The following KCNAB1 variants were observed in gnomAD, a reference collection of about 807,000 sequenced individuals.
KCNAB1 encodes potassium voltage-gated channel subfamily A regulatory beta subunit 1, also known as voltage-gated potassium channel subunit beta-1.
A neutral mutation model predicts 64.6 loss-of-function variants in KCNAB1; 35 were observed. The ratio of observed to expected loss-of-function variants is 0.54; its 90% CI spans 0.41 to 0.72. The LOEUF is 0.72. Among genes scored for constraint, KCNAB1 ranks in the 30% least tolerant of loss-of-function variants. The pLI, the probability that KCNAB1 is intolerant of heterozygous loss-of-function variation, is 0.00. For synonymous variants in KCNAB1, 177 were observed against 183.8 expected, an observed-to-expected ratio of 0.96 and a Z score of 0.30; for missense variants, 401 against 512.9, an observed-to-expected ratio of 0.78 and a Z score of 2.11.
At chr3:156,299,296 A>C (rs1459463392) in intron 1 of KCNAB1, among the ~76,000 whole-genome samples, 2 of 152,262 alleles carry the variant, frequency 1.3e-5, no homozygotes, top group East Asian at 1.9e-4. Context: ...TATCTCTGGA[A>C]GTAGCAAAGC....
At chr3:156,416,593 T>G (rs904900644) in intron 1 of KCNAB1, among the ~76,000 whole-genome samples, 1 of 152,218 alleles carries the variant, frequency 6.6e-6, no homozygotes, top group Non-Finnish European at 1.5e-5. Flanking sequence ...TATCCTTTTA[T>G]TTAATATTAT....
chr3:156,474,491 T>G (rs1052070022), intron 7 of KCNAB1, among the ~76,000 whole-genome samples: 1 of 152,220 alleles, frequency 6.6e-6, no homozygotes, highest in Non-Finnish European at 1.5e-5. Flanking sequence ...CCTAAGTGTA[T>G]ATTTTCCTGT....
chr3:156,218,336 C>A (rs58387367), intron 1 of KCNAB1, among the ~76,000 whole-genome samples: 2,285 of 152,316 alleles, frequency 0.015, 73 homozygotes, highest in African/African-American at 0.053. Flanking sequence ...GCAGCCACAG[C>A]AAGCCCTGCC....
At chr3:156,447,326 G>A (rs1711637679) in intron 2 of KCNAB1, among the ~76,000 whole-genome samples, 1 of 151,566 alleles carries the variant, frequency 6.6e-6, no homozygotes, top group African/African-American at 2.4e-5. Flanking sequence ...ACTTATTTTT[G>A]TTATTCCTTT....
At chr3:156,360,889 A>T (rs1000648336) in intron 1 of KCNAB1, among the ~76,000 whole-genome samples, 1 of 152,054 alleles carries the variant, frequency 6.6e-6, no homozygotes, top group Admixed American at 6.5e-5. Context: ...CATCCAGCCC[A>T]AACTGCCATC....
At chr3:156,173,568 C>G (rs925611022) in intron 1 of KCNAB1, among the ~76,000 whole-genome samples, 1 of 152,222 alleles carries the variant, frequency 6.6e-6, no homozygotes, top group Non-Finnish European at 1.5e-5. Context: ...GAGTCTCAGT[C>G]AAGCCCCTTA....
intron 1 of KCNAB1, chr3:156,382,153 A>T (rs988679181): frequency 6.6e-6 from 1 of 152,158 alleles, no homozygotes; most frequent in Non-Finnish European, 1.5e-5. Flanking sequence ...TCCCATCCAG[A>T]TCTACTGAAT....
chr3:156,198,616 C>CT lies in KCNAB1; in HGVS notation c.275+77750dup, dbSNP rs59410120. On this transcript the variant is annotated intron_variant, in intron 1 of 13. Transcript: ENST00000490337. ...TCAGAGACTACGATTGCAAACCCTG[C>CT]TTTTTTTTTTTTTTTTTTTTGCTTT... Among the ~76,000 whole-genome samples, 527 of 118,442 alleles carry CT rather than the reference C, an allele frequency of 4.4e-3. 2 individuals carry two copies. The highest frequency in any genetic ancestry group is 7.5e-3 in the African/African-American group (226 of 30,324). The allele number at this position is 118,442 out of a possible 152,430, so 77.7% of individuals were successfully genotyped here.
chr3:156,390,427 T>C (rs1185525368), intron 1 of KCNAB1, among the ~76,000 whole-genome samples: 1 of 152,236 alleles, frequency 6.6e-6, no homozygotes, highest in Non-Finnish European at 1.5e-5. Flanking sequence ...TGAAAGGTTG[T>C]ATATCAAAGG....
chr3:156,523,164 T>G (rs1307241057), intron 11 of KCNAB1, among the ~76,000 whole-genome samples: 1 of 152,248 alleles, frequency 6.6e-6, no homozygotes, highest in Non-Finnish European at 1.5e-5. Flanking sequence ...GTTTCTTTAC[T>G]TTTTTAAGTT....
At chr3:156,340,082 G>A (rs1723994119) in intron 1 of KCNAB1, among the ~76,000 whole-genome samples, 1 of 152,184 alleles carries the variant, frequency 6.6e-6, no homozygotes, top group Non-Finnish European at 1.5e-5. Context: ...AGGAGGCATT[G>A]TGTCTCAATA....
At chr3:156,192,365 AGATTT>A (rs1713613281) in intron 1 of KCNAB1, among the ~76,000 whole-genome samples, 1 of 152,208 alleles carries the variant, frequency 6.6e-6, no homozygotes, top group Non-Finnish European at 1.5e-5. Flanking sequence ...CAAGAGGATT[AGATTT>A]GAATTTTTAA....
At chr3:156,447,825 T>C (rs996616246) in intron 2 of KCNAB1, among the ~76,000 whole-genome samples, 1 of 152,262 alleles carries the variant, frequency 6.6e-6, no homozygotes, top group African/African-American at 2.4e-5. Context: ...TGTACCCATG[T>C]TAATTCCCTG....
chr3:156,440,862 G>T (rs769050513), intron 2 of KCNAB1, among the ~76,000 whole-genome samples: 13 of 152,102 alleles, frequency 8.5e-5, no homozygotes, highest in Non-Finnish European at 1.8e-4. Flanking sequence ...TGAAAACTGG[G>T]TAAATTTGAG....
chr3:156,187,069 G>T (rs1456622401), intron 1 of KCNAB1, among the ~76,000 whole-genome samples: 1 of 152,108 alleles, frequency 6.6e-6, no homozygotes, highest in African/African-American at 2.4e-5. Flanking sequence ...GCCCAGGCTG[G>T]TCTAGAATTC....
chr3:156,261,207 T>G (rs1465370480), intron 1 of KCNAB1, among the ~76,000 whole-genome samples: 1 of 152,110 alleles, frequency 6.6e-6, no homozygotes, highest in African/African-American at 2.4e-5. Context: ...TAATGATATC[T>G]TAAGTAATTG....
At chr3:156,295,104 G>A (rs1720693152) in intron 1 of KCNAB1, among the ~76,000 whole-genome samples, 1 of 152,114 alleles carries the variant, frequency 6.6e-6, no homozygotes, top group Non-Finnish European at 1.5e-5. Context: ...TAACATAATT[G>A]TCTAATAGAA....
chr3:156,451,987 G>A (rs1442474365), intron 2 of KCNAB1, among the ~76,000 whole-genome samples: 1 of 152,100 alleles, frequency 6.6e-6, no homozygotes, highest in Non-Finnish European at 1.5e-5. Flanking sequence ...TTGTCAAATG[G>A]TCTTATAAAC....
chr3:156,130,526 A>T (rs1055761073), intron 1 of KCNAB1, among the ~76,000 whole-genome samples: 6 of 152,184 alleles, frequency 3.9e-5, no homozygotes, highest in African/African-American at 1.4e-4. Context: ...CACTTTGTGG[A>T]AGGAAATTGA....
Sources: gnomAD v4.1 joint callset for allele counts (sites outside exome capture counted in the v4.1 genomes callset) on GRCh38, gnomAD v4.1.1 for gene constraint, MANE v1.5 for transcripts, NCBI Gene and HGNC (gene_info 2026-07-23, HGNC 2026-07-21) for gene names.